Variants in NLGN4Y observed in about 807,000 individuals in gnomAD.
NLGN4Y encodes neuroligin-4, Y-linked.
NLGN4Y carries 4 observed loss-of-function variants against 8.4 expected under a neutral mutation model. That is an observed-to-expected ratio of 0.48 (90% CI 0.23 to 1.09). The LOEUF (loss-of-function observed/expected upper bound fraction) is 1.09. Ranked by LOEUF, NLGN4Y falls within the 50% of genes least tolerant of loss-of-function variation. The pLI is 0.19. For missense variants in NLGN4Y, 90 were observed against 192.3 expected (o/e 0.47, Z 3.15); for synonymous variants, 35 against 75.6 (o/e 0.46, Z 2.78).
chrY:14,714,128 G>A, intron 2 of NLGN4Y, among the ~76,000 whole-genome samples: 1 of 32,810 alleles, frequency 3.0e-5, no homozygotes, highest in East Asian at 8.1e-4. Flanking sequence ...CTTTGTGTGT[G>A]TGTGTGTCCA....
chrY:14,713,537 A>G (rs2080905805), intron 2 of NLGN4Y, among the ~76,000 whole-genome samples: 1 of 33,588 alleles, frequency 3.0e-5, no homozygotes, highest in Admixed American at 2.7e-4. Context: ...GTTCACTGCA[A>G]TGAGGTTCAA....
intron 1 of NLGN4Y, among the ~76,000 whole-genome samples, chrY:14,585,332 T>C (rs1027339761): frequency 3.0e-5 from 1 of 33,657 alleles, no homozygotes; most frequent in African/African-American, 1.2e-4. Flanking sequence ...ATACATGCTG[T>C]GTACCCACAA....
intron 4 of NLGN4Y, among the ~76,000 whole-genome samples, chrY:14,775,090 C>T (rs887440811): frequency 3.1e-5 from 1 of 31,887 alleles, no homozygotes; most frequent in Non-Finnish European, 7.6e-5. Flanking sequence ...CACCATGGCA[C>T]GGTATATATA....
At chrY:14,610,655 T>G in intron 1 of NLGN4Y, among the ~76,000 whole-genome samples, 1 of 32,973 alleles carries the variant, frequency 3.0e-5, no homozygotes, top group Non-Finnish European at 7.5e-5. Context: ...AAGTGTGATG[T>G]GGTGCTGAGA....
At chrY:14,684,981 A>G (rs2080784244) in intron 2 of NLGN4Y, among the ~76,000 whole-genome samples, 1 of 33,946 alleles carries the variant, frequency 2.9e-5, no homozygotes, top group Non-Finnish European at 7.4e-5. Flanking sequence ...CTCAGAATGC[A>G]TGTTAACTTT....
chrY:14,613,827 C>A (rs752894342), intron 1 of NLGN4Y, among the ~76,000 whole-genome samples: 1 of 33,789 alleles, frequency 3.0e-5, no homozygotes, highest in South Asian at 6.6e-4. Flanking sequence ...TTTTCTTAAT[C>A]CGTCTATCAT....
intron 2 of NLGN4Y, among the ~76,000 whole-genome samples, chrY:14,692,292 A>G: frequency 3.0e-5 from 1 of 33,091 alleles, no homozygotes; most frequent in African/African-American, 1.2e-4. Flanking sequence ...TACTTATCTA[A>G]TTGTTAATTC....
intron 6 of NLGN4Y, among the ~76,000 whole-genome samples, chrY:14,835,871 C>T: frequency 3.2e-5 from 1 of 31,488 alleles, no homozygotes; most frequent in Admixed American, 2.9e-4. Flanking sequence ...ACAATTGGAT[C>T]CTTGCTTACA....
chrY:14,782,796 C>G (rs1364619479), intron 4 of NLGN4Y, among the ~76,000 whole-genome samples: 1 of 33,944 alleles, frequency 2.9e-5, no homozygotes, highest in African/African-American at 1.1e-4. Context: ...AAGTGAGGAT[C>G]TCTTTCAACA....
chrY:14,746,002 G>A, intron 4 of NLGN4Y, among the ~76,000 whole-genome samples: 1 of 32,057 alleles, frequency 3.1e-5, no homozygotes, highest in Non-Finnish European at 7.6e-5. Context: ...TCTATCCTTG[G>A]ACAGCCACAG....
At chrY:14,770,082 C>G in intron 4 of NLGN4Y, among the ~76,000 whole-genome samples, 2 of 33,459 alleles carry the variant, frequency 6.0e-5, no homozygotes, top group Non-Finnish European at 1.5e-4. Flanking sequence ...TGCCATCTCC[C>G]TGGGATAGAG....
chrY:14,842,436 G>T lies in NLGN4Y; in HGVS notation c.*1174G>T, dbSNP rs2043228575. 1 of 120,524 alleles carries T rather than the reference G, an allele frequency of 8.3e-6. No homozygotes were observed. The highest frequency in any genetic ancestry group is 1.8e-5 in the Non-Finnish European group (1 of 55,950). The allele number at this position is 120,524 out of a possible 400,897, so 30.1% of individuals were successfully genotyped here. A position where few individuals can be genotyped will look rare whatever the true frequency, so the allele number is the denominator to read the frequency against. ...AAAGAAGAAAGCTTGCCTTTGGTGG[G>T]GCTATGCCCCTTGGAGTAAATACAG... On this transcript the variant is annotated 3_prime_UTR_variant, in exon 7 of 7. Coordinates refer to ENST00000684976, the MANE Select transcript of NLGN4Y (RefSeq NM_001365588.1).
intron 1 of NLGN4Y, among the ~76,000 whole-genome samples, chrY:14,613,140 C>T: frequency 3.1e-5 from 1 of 32,598 alleles, no homozygotes; most frequent in Non-Finnish European, 7.5e-5. Flanking sequence ...GACACCCCTC[C>T]CTGCACCACA....
intron 4 of NLGN4Y, among the ~76,000 whole-genome samples, chrY:14,810,518 G>C: frequency 3.3e-5 from 1 of 30,712 alleles, no homozygotes; most frequent in African/African-American, 1.3e-4. Flanking sequence ...AACAGAGTGA[G>C]AGAGTCTATC....
chrY:14,598,041 A>T, intron 1 of NLGN4Y, among the ~76,000 whole-genome samples: 1 of 34,270 alleles, frequency 2.9e-5, no homozygotes, highest in Admixed American at 2.6e-4. Context: ...ACCTTGAGCT[A>T]AACACAGGGT....
chrY:14,524,928 G>A (rs1285897763), intron 1 of NLGN4Y: 12 of 121,660 alleles, frequency 9.9e-5, no homozygotes, highest in South Asian at 4.3e-4. Flanking sequence ...TTCGCCCCTC[G>A]GAGAACCGGT....
intron 1 of NLGN4Y, among the ~76,000 whole-genome samples, chrY:14,609,420 C>T: frequency 9.0e-5 from 3 of 33,164 alleles, no homozygotes; most frequent in South Asian, 6.6e-4. Flanking sequence ...TTTAGCATGA[C>T]GTTGTGTTGA....
At chrY:14,832,420 T>C in intron 6 of NLGN4Y, among the ~76,000 whole-genome samples, 1 of 34,415 alleles carries the variant, frequency 2.9e-5, no homozygotes, top group African/African-American at 1.1e-4. Flanking sequence ...GAAAGGTTCT[T>C]TCCTGCATGA....
In NLGN4Y at chrY:14,700,595, G is replaced by T; in HGVS notation, c.473-18864G>T. On this transcript the variant is annotated intron_variant, in intron 2 of 6. Transcript: ENST00000684976. ...CCTTGCCAGAGATTAACTTAAGACCGTGTTCTGACTATTTGTTTAAAAGAT... is the reference window on the plus strand; with the variant it reads ...CCTTGCCAGAGATTAACTTAAGACCTTGTTCTGACTATTTGTTTAAAAGAT... Among the ~76,000 whole-genome samples the T allele has an allele frequency of 9.1e-5, 3 of 33,135 alleles. No individual in the cohort carries two copies. The South Asian group carries it at 2.0e-3, about 22-fold the overall frequency. 88.9% of individuals were successfully genotyped at this position (33,135 alleles called of 37,273 possible).
Sources: gnomAD v4.1 joint callset for allele counts (sites outside exome capture counted in the v4.1 genomes callset) on GRCh38, gnomAD v4.1.1 for gene constraint, MANE v1.5 for transcripts, NCBI Gene and HGNC (gene_info 2026-07-23, HGNC 2026-07-21) for gene names.